The following MAP4 variants were observed in gnomAD, a reference collection of about 807,000 sequenced individuals.
MAP4 encodes microtubule-associated protein 4.
A neutral mutation model predicts 170.2 loss-of-function variants in MAP4; 76 were observed. That is an observed-to-expected ratio of 0.45 (90% CI 0.37 to 0.54). The LOEUF is 0.54. Ranked by LOEUF, MAP4 falls within the 20% of genes least tolerant of loss-of-function variation. MAP4 has a pLI of 0.00. For synonymous variants in MAP4, 909 were observed against 994.5 expected, an observed-to-expected ratio of 0.91 and a Z score of 1.62; for missense variants, 2,506 against 2,748.0, an observed-to-expected ratio of 0.91 and a Z score of 1.97.
rs183473109 is a variant in MAP4 at position 47,974,135 on chromosome 3, T to C, written c.292+3730A>G. On this transcript the variant is annotated intron_variant, in intron 3 of 20. Transcript: ENST00000683076. ...TTCTGTATCAGGGGATCTAAAACAA[T>C]GTATATCTGGCCAGGCACAGTGTCT... 2.0e-5 allele frequency: 20 copies of C among 985,048 alleles called. No homozygotes were observed. In the South Asian group the frequency reaches 4.7e-4, roughly 23 times the overall value. The allele number at this position is 985,048 out of a possible 1,614,324, so 61.0% of individuals were successfully genotyped here.
intron 1 of MAP4, among the ~76,000 whole-genome samples, chr3:48,043,187 G>A (rs768750527): frequency 2.0e-5 from 3 of 152,046 alleles, no homozygotes; most frequent in African/African-American, 7.2e-5. Flanking sequence ...TGCAACCTCC[G>A]CCTCCTGAGT....
intron 1 of MAP4, among the ~76,000 whole-genome samples, chr3:48,082,622 C>T (rs1482955064): frequency 6.6e-6 from 1 of 151,948 alleles, no homozygotes; most frequent in East Asian, 1.9e-4. Flanking sequence ...GGCAACATGG[C>T]AAAACCCTGC....
intron 11 of MAP4, among the ~76,000 whole-genome samples, chr3:47,876,480 C>G (rs2095454419): frequency 1.3e-5 from 2 of 152,076 alleles, no homozygotes; most frequent in African/African-American, 4.8e-5. Flanking sequence ...AGTTTGGCAC[C>G]TGAAGATTTA....
intron 3 of MAP4, among the ~76,000 whole-genome samples, chr3:47,935,538 G>A (rs1680586295): frequency 6.6e-6 from 1 of 152,082 alleles, no homozygotes; most frequent in Non-Finnish European, 1.5e-5. Context: ...TGGTCCTGGT[G>A]TTTTGCTTTC....
rs576561703 is a variant in MAP4 at position 48,050,203 on chromosome 3, T to A, written c.-20+38570A>T. ...TGAACCCGGGAGCCAGAGATTGAAG[T>A]GAGCCGAGATGACACTACTGCACTC... is the stretch of plus-strand genomic sequence containing the variant. On this transcript the variant is annotated intron_variant, in intron 1 of 18. Transcript: ENST00000360240. Among the ~76,000 whole-genome samples, 33 of 146,954 alleles carry A rather than the reference T, an allele frequency of 2.2e-4. No homozygotes were observed. The South Asian group carries it at 6.2e-3, about 28-fold the overall frequency.
intron 3 of MAP4, among the ~76,000 whole-genome samples, chr3:47,940,929 G>A (rs899817375): frequency 6.6e-6 from 1 of 152,018 alleles, no homozygotes; most frequent in South Asian, 2.1e-4. Context: ...CCAGGCTGGA[G>A]TGCAATGGTG....
At chr3:47,876,138 T>C (rs1450328585) in intron 11 of MAP4, among the ~76,000 whole-genome samples, 34 of 60,566 alleles carry the variant, frequency 5.6e-4, no homozygotes, top group Admixed American at 1.4e-3. Context: ...TTTTCTTTCT[T>C]TTTTTTTTTT....
chr3:48,059,902 C>T (rs2154557248), intron 1 of MAP4, among the ~76,000 whole-genome samples: 1 of 152,048 alleles, frequency 6.6e-6, no homozygotes, highest in Middle Eastern at 3.4e-3. Flanking sequence ...ATTGCTTGAA[C>T]CTGGAGGATG....
At chr3:47,921,261 T>C (rs1224043730) in intron 5 of MAP4, among the ~76,000 whole-genome samples, 2 of 152,206 alleles carry the variant, frequency 1.3e-5, no homozygotes, top group African/African-American at 4.8e-5. Flanking sequence ...TCTTAGTGGT[T>C]AGCTTCAAAG....
intron 3 of MAP4, among the ~76,000 whole-genome samples, chr3:47,970,625 C>G (rs1485521590): frequency 6.6e-6 from 1 of 151,856 alleles, no homozygotes; most frequent in Non-Finnish European, 1.5e-5. Context: ...GCCTGGCCAA[C>G]ATGGTGAAAC....
rs189946960 is a variant in MAP4, at chr3:47,949,930, T to C, written c.293-21580A>G. Among the ~76,000 whole-genome samples, 116 of 152,298 alleles carry C rather than the reference T, an allele frequency of 7.6e-4. 1 individual carries two copies. The highest frequency in any genetic ancestry group is 1.4e-3 in the Non-Finnish European group (92 of 68,014). On this transcript the variant is annotated intron_variant, in intron 3 of 20. Transcript: ENST00000683076. The stretch of plus-strand genomic sequence containing the variant: ...GTGAGTTCCAGTCACCCCAGCTAAC[T>C]TCCCAGTGATTTTCGACAGCACCAC...
intron 1 of MAP4, among the ~76,000 whole-genome samples, chr3:48,043,219 G>A (rs1210736665): frequency 6.6e-6 from 1 of 152,198 alleles, no homozygotes; most frequent in Non-Finnish European, 1.5e-5. Context: ...TTGTGCCTCA[G>A]CCTCCCAAGT....
intron 1 of MAP4, among the ~76,000 whole-genome samples, chr3:48,087,876 G>C (rs1391906023): frequency 2.6e-5 from 4 of 152,156 alleles, no homozygotes; most frequent in Non-Finnish European, 5.9e-5. Flanking sequence ...AAGGAGAAAA[G>C]GGGGTTTCCA....
intron 17 of MAP4, among the ~76,000 whole-genome samples, chr3:47,864,278 T>C (rs1484371825): frequency 6.6e-6 from 1 of 152,212 alleles, no homozygotes; most frequent in Non-Finnish European, 1.5e-5. Context: ...GCAGTAGCTC[T>C]TGCTATAATC....
intron 1 of MAP4, among the ~76,000 whole-genome samples, chr3:48,023,875 C>T (rs2100111763): frequency 6.6e-6 from 1 of 152,284 alleles, no homozygotes; most frequent in South Asian, 2.1e-4. Flanking sequence ...GGGGGAGACC[C>T]TCTCCTAAAC....
Position 47,912,340 on chromosome 3 carries a change from T to A in MAP4, c.2081A>T (p.Lys694Met). Residue 694 changes from lysine (K) to methionine (M), a missense_variant, in exon 9 of 21, where the codon AAG becomes ATG. Transcript: ENST00000683076. ...CAGCTCAGGAGGGACCCTGGCAGGCTTGGGCCGGGTTGACCTGCGGTCACT... is the reference window on the plus strand; with the variant it reads ...CAGCTCAGGAGGGACCCTGGCAGGCATGGGCCGGGTTGACCTGCGGTCACT... ...RPSDRRSTRPKPARVPPELLG... is the reference protein window; with the variant it reads ...RPSDRRSTRPMPARVPPELLG... 6.5e-7 allele frequency: 1 copy of A among 1,536,050 alleles called. No individual in the cohort carries two copies. The highest frequency in any genetic ancestry group is 8.7e-7 in the Non-Finnish European group (1 of 1,146,830).
chr3:47,901,605 C>G (rs918217285), intron 10 of MAP4, among the ~76,000 whole-genome samples: 1 of 150,780 alleles, frequency 6.6e-6, no homozygotes, highest in Non-Finnish European at 1.5e-5. Context: ...GCCCAGGAGG[C>G]GGAGGCTGTA....
intron 3 of MAP4, chr3:47,973,735 G>A (rs868125185): frequency 1.0e-6 from 1 of 985,384 alleles, no homozygotes; most frequent in African/African-American, 1.7e-5. Context: ...ATAGAAAGAT[G>A]TCAAACATGA....
chr3:47,938,988 T>G (rs946751341), intron 3 of MAP4, among the ~76,000 whole-genome samples: 2 of 152,218 alleles, frequency 1.3e-5, no homozygotes, highest in African/African-American at 2.4e-5. Context: ...CCAGGCTTGT[T>G]CCCTACTACT....
Sources: allele counts gnomAD v4.1 joint callset (sites outside exome capture counted in the v4.1 genomes callset), GRCh38; gene constraint gnomAD v4.1.1; transcripts MANE v1.5; gene names NCBI Gene and HGNC (gene_info 2026-07-23, HGNC 2026-07-21).